PACS2: variants seen among roughly 807,000 people sequenced by gnomAD.
PACS2 encodes phosphofurin acidic cluster sorting protein 2, also known as PACS1-like protein.
A neutral mutation model predicts 113.0 loss-of-function variants in PACS2; 36 were observed. The observed-to-expected ratio is 0.32, with a 90% CI of 0.24 to 0.42. The LOEUF (loss-of-function observed/expected upper bound fraction) is 0.42, where lower values mean the gene tolerates loss of function less well. PACS2 is among the 10% of genes least tolerant of loss of function. PACS2 has a pLI of 1.00. For synonymous variants in PACS2, 589 were observed against 536.1 expected, an observed-to-expected ratio of 1.10 and a Z score of -1.36; for missense variants, 1,015 against 1,239.5, an observed-to-expected ratio of 0.82 and a Z score of 2.72.
chr14:105,364,534 C>T (rs1555407509), intron 4 of PACS2, among the ~76,000 whole-genome samples: 1 of 149,760 alleles, frequency 6.7e-6, no homozygotes, highest in Admixed American at 6.6e-5. Flanking sequence ...CGGTGGGCGG[C>T]ACCATCCAGG....
intron 4 of PACS2, among the ~76,000 whole-genome samples, chr14:105,360,965 C>G (rs2060657427): frequency 6.6e-6 from 1 of 152,176 alleles, no homozygotes; most frequent in Non-Finnish European, 1.5e-5. Flanking sequence ...GAAGCCACTT[C>G]TTATCAGCTG....
chr14:105,341,356 T>C (rs1204819670), intron 1 of PACS2, among the ~76,000 whole-genome samples: 1 of 152,240 alleles, frequency 6.6e-6, no homozygotes, highest in East Asian at 1.9e-4. Flanking sequence ...CAGATAACAC[T>C]GTGGGTATTC....
chr14:105,338,112 C>T (rs893361150), intron 1 of PACS2, among the ~76,000 whole-genome samples: 3 of 152,178 alleles, frequency 2.0e-5, no homozygotes, highest in Non-Finnish European at 4.4e-5. Flanking sequence ...TGGGGCCTGG[C>T]GCTGGCCCGG....
rs1242217191 is a variant in PACS2 at position 105,395,753 on chromosome 14, C to G, written c.*1081C>G. 5 of 152,322 alleles carry G rather than the reference C, an allele frequency of 3.3e-5. No individual in the cohort carries two copies. The highest frequency in any genetic ancestry group is 1.2e-4 in the African/African-American group (5 of 41,456). 9.4% of individuals were successfully genotyped at this position (152,322 alleles called of 1,614,324 possible). A position where few individuals can be genotyped will look rare whatever the true frequency, so the allele number is the denominator to read the frequency against. ...GGGAGGCTCTCCAGGCCACAGTCCT[C>G]AGAGCGTGTTGGGTCCCATGTTGTG... On this transcript the variant is annotated 3_prime_UTR_variant, in exon 25 of 25. Coordinates refer to ENST00000447393, the MANE Select transcript of PACS2 (RefSeq NM_001100913.3).
chr14:105,306,877 A>G (rs1318156553), intron 1 of PACS2, among the ~76,000 whole-genome samples: 6 of 152,092 alleles, frequency 3.9e-5, no homozygotes, highest in Non-Finnish European at 7.4e-5. Context: ...AAGTGCTGGG[A>G]TTACAGGCGT....
At chr14:105,391,009 G>A (rs782011329) in intron 20 of PACS2, 198 bp from the exon 21 acceptor site, 3 of 609,946 alleles carry the variant, frequency 4.9e-6, no homozygotes, top group Non-Finnish European at 8.8e-6. Context: ...CCTGAGCACT[G>A]TCTGTCCCCA....
intron 1 of PACS2, among the ~76,000 whole-genome samples, chr14:105,322,063 G>A (rs1382730280): frequency 1.3e-5 from 2 of 151,290 alleles, no homozygotes; most frequent in Non-Finnish European, 2.9e-5. Flanking sequence ...TCAGCCTCCC[G>A]AGTAGCTGGG....
intron 1 of PACS2, among the ~76,000 whole-genome samples, chr14:105,345,525 G>C (rs2059892745): frequency 6.6e-6 from 1 of 152,198 alleles, no homozygotes; most frequent in Non-Finnish European, 1.5e-5. Context: ...CTGGCAGATT[G>C]ACGTGCTGCG....
chr14:105,396,347 G>C lies in PACS2; in HGVS notation c.*1675G>C. On this transcript the variant is annotated 3_prime_UTR_variant, in exon 25 of 25. Transcript: ENST00000447393. ...GGTCTCCCATTGAATCCTGGCTTCA[G>C]GCTCTGCCCCGAGAAGTGTCTGCGG... is the stretch of plus-strand genomic sequence containing the variant. 6.6e-6 allele frequency: 1 copy of C among 152,376 alleles called. No individual in the cohort carries two copies. Among genetic ancestry groups the C allele is most frequent in the East Asian group, 1.9e-4 (1 of 5,194 alleles). The allele number at this position is 152,376 out of a possible 1,614,324, so 9.4% of individuals were successfully genotyped here. A position where few individuals can be genotyped will look rare whatever the true frequency, so the allele number is the denominator to read the frequency against.
Position 105,383,475 on chromosome 14 carries a change from A to C in PACS2, c.1742A>C (p.Asp581Ala). 1 of 1,606,748 alleles carries C rather than the reference A, an allele frequency of 6.2e-7. No homozygotes were observed. Among genetic ancestry groups the C allele is most frequent in the Non-Finnish European group, 8.5e-7 (1 of 1,178,118 alleles). Residue 581 changes from aspartate to alanine, a missense_variant, in exon 16 of 25, where the codon GAC (aspartate) becomes GCC (alanine). Transcript: ENST00000447393. ...GAGCAGCTGTCCCACAAGACACCCG[A>C]CTGGCTCGGCTACATGCGCTTCCTG... is the stretch of plus-strand genomic sequence containing the variant. ...FVEQLSHKTP[D>A]WLGYMRFLVI...
chr14:105,359,990 C>T (rs1478705207), intron 4 of PACS2, among the ~76,000 whole-genome samples: 1 of 152,164 alleles, frequency 6.6e-6, no homozygotes, highest in Non-Finnish European at 1.5e-5. Context: ...TAACAATTGC[C>T]TACAGTATTC....
chr14:105,339,834 G>A (rs191875079), intron 1 of PACS2, among the ~76,000 whole-genome samples: 1 of 152,344 alleles, frequency 6.6e-6, no homozygotes, highest in African/African-American at 2.4e-5. Flanking sequence ...TAGTAGAGAG[G>A]AGTTTCACCA....
chr14:105,368,276 G>A, intron 6 of PACS2, 129 bp downstream of exon 6: 1 of 823,114 alleles, frequency 1.2e-6, no homozygotes, highest in Admixed American at 2.3e-5. Flanking sequence ...CCCCTGGTTG[G>A]CCGCCCATCT....
intron 9 of PACS2, among the ~76,000 whole-genome samples, chr14:105,379,356 C>T (rs1329183295): frequency 3.3e-5 from 5 of 152,226 alleles, no homozygotes; most frequent in African/African-American, 7.2e-5. Context: ...GCTGCAGATC[C>T]CAGGGCTGCC....
intron 1 of PACS2, among the ~76,000 whole-genome samples, chr14:105,342,292 G>A (rs999398255): frequency 2.0e-5 from 3 of 151,994 alleles, no homozygotes; most frequent in African/African-American, 4.8e-5. Context: ...GAGAGAGAGA[G>A]ACAGGGTCCT....
chr14:105,395,759 G>C lies in PACS2; in HGVS notation c.*1087G>C, dbSNP rs79579593. The stretch of plus-strand genomic sequence containing the variant: ...CTCTCCAGGCCACAGTCCTCAGAGC[G>C]TGTTGGGTCCCATGTTGTGTGTGGG... On this transcript the variant is annotated 3_prime_UTR_variant, in exon 25 of 25. Transcript: ENST00000447393. The C allele has an allele frequency of 7.9e-5, 12 of 152,286 alleles. No homozygotes were observed. Among genetic ancestry groups the C allele is most frequent in the African/African-American group, 2.9e-4 (12 of 41,434 alleles). The allele number at this position is 152,286 out of a possible 1,614,324, so 9.4% of individuals were successfully genotyped here.
At chr14:105,383,175 G>A in intron 15 of PACS2, 184 bp from the exon 16 acceptor site, 1 of 715,378 alleles carries the variant, frequency 1.4e-6, no homozygotes, top group Non-Finnish European at 2.5e-6. Flanking sequence ...CCATGACTGT[G>A]TGGTCCCTCA....
At chr14:105,391,071 G>C (rs782553007) in intron 20 of PACS2, 136 bp from the exon 21 acceptor site, 1 of 690,876 alleles carries the variant, frequency 1.4e-6, no homozygotes, top group African/African-American at 1.7e-5. Context: ...AGAAGGGCAG[G>C]AGGGAGCTGG....
At chr14:105,384,009 C>T (rs2081086385) in intron 16 of PACS2, 2 of 331,328 alleles carry the variant, frequency 6.0e-6, no homozygotes, top group South Asian at 7.4e-5. Flanking sequence ...TGACCAGCAG[C>T]AAGGCCTGGA....
Sources: gnomAD v4.1 joint callset for allele counts (sites outside exome capture counted in the v4.1 genomes callset) on GRCh38, gnomAD v4.1.1 for gene constraint, MANE v1.5 for transcripts, NCBI Gene and HGNC (gene_info 2026-07-23, HGNC 2026-07-21) for gene names.